Variants in CMTR1 observed in about 807,000 individuals in gnomAD.
CMTR1 encodes the protein cap methyltransferase 1.
In CMTR1, 39 loss-of-function variants were observed where a neutral mutation model predicts 107.0. The observed-to-expected ratio is 0.36, with a 90% confidence interval of 0.28 to 0.48. CMTR1 has a LOEUF of 0.48. Ranked by LOEUF, CMTR1 falls within the 20% of genes least tolerant of loss-of-function variation. CMTR1 has a pLI of 0.99. For synonymous variants in CMTR1, 366 were observed against 379.5 expected (o/e 0.96, Z 0.41); for missense variants, 672 against 1,064.9 (o/e 0.63, Z 5.14).
intron 15 of CMTR1, 94 bp downstream of exon 15, chr6:37,471,998 T>G: frequency 3.9e-5 from 44 of 1,133,984 alleles, no homozygotes; most frequent in Non-Finnish European, 5.3e-5. Context: ...AGGGTGTCTC[T>G]GCATCCAAAA....
At chr6:37,431,244 T>C (rs915484410), upstream of CMTR1, among the ~76,000 whole-genome samples, 3 of 152,218 alleles carry the variant, frequency 2.0e-5, no homozygotes, top group African/African-American at 7.2e-5. Context: ...TTCCTATACC[T>C]TATTTTATAC....
At chr6:37,464,462 A>G (rs1236906853) in intron 13 of CMTR1, among the ~76,000 whole-genome samples, 4 of 150,470 alleles carry the variant, frequency 2.7e-5, no homozygotes, top group Non-Finnish European at 5.9e-5. Context: ...GGAAGACTCC[A>G]TCTCAAAAAA....
intron 4 of CMTR1, 110 bp downstream of exon 4, chr6:37,446,559 G>A (rs1212258326): frequency 5.4e-6 from 7 of 1,302,484 alleles, no homozygotes; most frequent in Admixed American, 2.2e-5. Flanking sequence ...TATGAGCAAA[G>A]TGGAATTAGT....
Position 37,480,268 on chromosome 6 carries a change from TGAG to T in CMTR1, c.*127_*129del, listed in dbSNP as rs879281664. 528 of 1,488,662 alleles carry T rather than the reference TGAG, an allele frequency of 3.5e-4. 1 individual carries two copies. Among genetic ancestry groups the T allele is most frequent in the South Asian group, 1.7e-3 (127 of 73,332 alleles). 92.2% of individuals were successfully genotyped at this position (1,488,662 alleles called of 1,614,324 possible). On this transcript the variant is annotated 3_prime_UTR_variant, in exon 24 of 24. Transcript: ENST00000373451. ...GGACTGGGGAGCATTGCACCTGGCA[TGAG>T]GAGTGGGTGGCCTCCTCTCCATCCC...
intron 2 of CMTR1, among the ~76,000 whole-genome samples, chr6:37,443,633 C>T (rs1217613177): frequency 2.6e-5 from 4 of 152,274 alleles, no homozygotes; most frequent in Admixed American, 1.3e-4. Flanking sequence ...ACTGGGATTA[C>T]GCGTGAGCCA....
chr6:37,443,410 A>G (rs760797764), intron 2 of CMTR1, among the ~76,000 whole-genome samples: 1 of 150,878 alleles, frequency 6.6e-6, no homozygotes, highest in South Asian at 2.1e-4. Flanking sequence ...ACTGGCATGC[A>G]GTGGCGCAAT....
rs1204735418 is a variant in CMTR1 at position 37,478,524 on chromosome 6, G to A, written c.2266+3G>A. 1 of 1,607,952 alleles carries A rather than the reference G, an allele frequency of 6.2e-7. No homozygotes were observed. Among genetic ancestry groups the A allele is most frequent in the South Asian group, 1.1e-5 (1 of 90,946 alleles). On this transcript the variant is annotated splice_donor_region_variant and intron_variant, in intron 22 of 23. Transcript: ENST00000373451. ...CTACATCGTCAGGACAGTGAATGGT[G>A]GGTGAGGAGGGACTGTTCCCGCCAT...
intron 10 of CMTR1, 33 bp downstream of exon 10, chr6:37,459,717 T>A: frequency 7.1e-7 from 1 of 1,416,090 alleles, no homozygotes; most frequent in Non-Finnish European, 1.0e-6. Flanking sequence ...ACTGATGCAT[T>A]AAGGATTTGT....
chr6:37,467,545 C>CTGCT (rs1183527706), intron 13 of CMTR1, among the ~76,000 whole-genome samples: 1 of 152,172 alleles, frequency 6.6e-6, no homozygotes, highest in Non-Finnish European at 1.5e-5. Context: ...ATTCTGTTAA[C>CTGCT]TGCTAAGAGG....
upstream of CMTR1, among the ~76,000 whole-genome samples, chr6:37,431,426 T>C (rs895273726): frequency 2.6e-5 from 4 of 152,230 alleles, no homozygotes; most frequent in African/African-American, 9.6e-5. Flanking sequence ...TCTGTAATCT[T>C]GAACATATCA....
At chr6:37,439,213 T>C (rs1771611768) in intron 2 of CMTR1, among the ~76,000 whole-genome samples, 1 of 152,236 alleles carries the variant, frequency 6.6e-6, no homozygotes, top group African/African-American at 2.4e-5. Context: ...CGTGATCTTT[T>C]GAGTATTTTC....
intron 2 of CMTR1, among the ~76,000 whole-genome samples, chr6:37,439,027 C>T (rs986414720): frequency 6.6e-6 from 1 of 152,090 alleles, no homozygotes; most frequent in Non-Finnish European, 1.5e-5. Flanking sequence ...TCTGTGTGGA[C>T]CTTATTTTTT....
chr6:37,424,541 C>G, the CMTR1 span, among the ~76,000 whole-genome samples: 2 of 152,048 alleles, frequency 1.3e-5, no homozygotes, highest in Non-Finnish European at 2.9e-5. Flanking sequence ...GCCACCGCGC[C>G]CGGCCTAGTA....
At chr6:37,444,842 T>C (rs369118902) in intron 3 of CMTR1, among the ~76,000 whole-genome samples, 1 of 152,146 alleles carries the variant, frequency 6.6e-6, no homozygotes, top group East Asian at 1.9e-4. Flanking sequence ...CTGGCCAACA[T>C]GGTGAAACCC....
chr6:37,464,544 G>C (rs993485418), intron 13 of CMTR1, among the ~76,000 whole-genome samples: 1 of 151,698 alleles, frequency 6.6e-6, no homozygotes, highest in African/African-American at 2.4e-5. Context: ...CAGCCCCAAA[G>C]TAACCCCTCT....
chr6:37,434,578 C>T (rs1771478851), intron 1 of CMTR1, among the ~76,000 whole-genome samples: 1 of 152,126 alleles, frequency 6.6e-6, no homozygotes, highest in South Asian at 2.1e-4. Context: ...CTCTCATGTA[C>T]CTAACCATGG....
intron 17 of CMTR1, 33 bp from the exon 18 acceptor site, chr6:37,474,491 C>T (rs202186763): frequency 9.9e-6 from 16 of 1,612,788 alleles, no homozygotes; most frequent in Admixed American, 6.7e-5. Context: ...ATCTCCATGC[C>T]TTCCTTACCT....
At chr6:37,463,419 T>C (rs1035306433) in intron 13 of CMTR1, among the ~76,000 whole-genome samples, 1 of 152,228 alleles carries the variant, frequency 6.6e-6, no homozygotes, top group African/African-American at 2.4e-5. Flanking sequence ...TACAACATGC[T>C]TTGGAAGTGC....
At chr6:37,452,086 C>T (rs1030952287) in intron 6 of CMTR1, among the ~76,000 whole-genome samples, 1 of 152,136 alleles carries the variant, frequency 6.6e-6, no homozygotes. Context: ...CTGTGGTCAG[C>T]AGCCAAGAAA....
Sources: allele counts gnomAD v4.1 joint callset (sites outside exome capture counted in the v4.1 genomes callset), GRCh38; gene constraint gnomAD v4.1.1; transcripts MANE v1.5; gene names NCBI Gene and HGNC (gene_info 2026-07-23, HGNC 2026-07-21).